The following SEPTIN8 variants were observed in gnomAD, a reference collection of about 807,000 sequenced individuals.
The protein encoded by SEPTIN8 is septin-8.
A neutral mutation model predicts 53.1 loss-of-function variants in SEPTIN8; 22 were observed. The ratio of observed to expected loss-of-function variants is 0.41; its 90% CI spans 0.30 to 0.59. The LOEUF (loss-of-function observed/expected upper bound fraction) is 0.59. Ranked by LOEUF, SEPTIN8 falls within the 20% of genes least tolerant of loss-of-function variation. SEPTIN8 has a pLI of 0.24. For missense variants in SEPTIN8, 536 were observed against 638.7 expected, an observed-to-expected ratio of 0.84 and a Z score of 1.73; for synonymous variants, 228 against 248.4, an observed-to-expected ratio of 0.92 and a Z score of 0.77.
intron 5 of SEPTIN8, among the ~76,000 whole-genome samples, 162 bp downstream of exon 5, chr5:132,762,322 C>T (rs1756065856): frequency 1.3e-5 from 2 of 152,244 alleles, no homozygotes; most frequent in Non-Finnish European, 2.9e-5. Flanking sequence ...CTGTCCCCTG[C>T]CCACAGATGT....
chr5:132,770,041 ATG>A lies in SEPTIN8; in HGVS notation c.31-4514_31-4513del, dbSNP rs1180280053. Among the ~76,000 whole-genome samples the A allele has an allele frequency of 2.8e-3, 234 of 82,846 alleles. 4 individuals carry two copies. The highest frequency in any genetic ancestry group is 0.027 in the South Asian group (70 of 2,634). The allele number at this position is 82,846 out of a possible 152,430, so 54.4% of individuals were successfully genotyped here. A position where few individuals can be genotyped will look rare whatever the true frequency, so the allele number is the denominator to read the frequency against. ...TATATATACACACACATATATATAT[ATG>A]TGTGTGTGTGTGTGTGTGTGTATAT... is the stretch of plus-strand genomic sequence containing the variant. On this transcript the variant is annotated intron_variant, in intron 1 of 9. Transcript: ENST00000378719.
At chr5:132,758,389 T>C in intron 9 of SEPTIN8, 1 of 1,453,582 alleles carries the variant, frequency 6.9e-7, no homozygotes, top group East Asian at 2.5e-5. Flanking sequence ...GGGTGAATTT[T>C]GCAGCATGTA....
chr5:132,763,921 T>C, intron 3 of SEPTIN8, 29 bp from the exon 4 acceptor site: 1 of 1,529,734 alleles, frequency 6.5e-7, no homozygotes, highest in Non-Finnish European at 8.8e-7. Context: ...CCCAGGAGGC[T>C]GCCAGCTGAG....
rs1196597398 is a variant in SEPTIN8, at chr5:132,752,024, A to G, written c.1444T>C (p.Phe482Leu). 8 of 1,612,220 alleles carry G rather than the reference A, an allele frequency of 5.0e-6. No individual in the cohort carries two copies. The highest frequency in any genetic ancestry group is 6.8e-6 in the Non-Finnish European group (8 of 1,179,396). Residue 482 changes from phenylalanine (F) to leucine (L), a missense_variant, in exon 10 of 10, where the codon TTC (phenylalanine) becomes CTC (leucine). Coordinates refer to ENST00000378719, the MANE Select transcript of SEPTIN8 (RefSeq NM_001098811.2). The stretch of plus-strand genomic sequence containing the variant: ...GTGTTGGAGCTGCTGCCTCAGAGGA[A>G]TCCTTCCCTCCACGTCGCATCCCTG... ...LVRDATWREG[F>L]L
At position 132,761,416 on chromosome 5, in the gene SEPTIN8, C is replaced by T. The variant is rs1755935249; in HGVS notation, c.962+42G>A. 1.3e-6 allele frequency: 2 copies of T among 1,592,082 alleles called. No homozygotes were observed. Among genetic ancestry groups the T allele is most frequent in the Admixed American group, 1.7e-5 (1 of 59,264 alleles). Reference sequence around the variant, plus strand: ...ACAGATGCCAGGGTGGTGTGTCTGGCCACAGCTGTGAAGACAGGCTCACTC... The same window carrying T: ...ACAGATGCCAGGGTGGTGTGTCTGGTCACAGCTGTGAAGACAGGCTCACTC... On this transcript the variant is annotated intron_variant, in intron 7 of 9. Coordinates refer to ENST00000378719, the MANE Select transcript of SEPTIN8 (RefSeq NM_001098811.2). This position sits in a 1 kb window ranked among gnomAD's most constrained non-coding sequence, Gnocchi z 5.8.
At chr5:132,758,335 T>C (rs980406122) in intron 9 of SEPTIN8, 10 of 1,391,678 alleles carry the variant, frequency 7.2e-6, no homozygotes, top group African/African-American at 4.3e-5. Flanking sequence ...TTTAAAGTTA[T>C]TAAAATTAAG....
chr5:132,753,018 C>G (rs369590698), intron 9 of SEPTIN8: 2 of 1,396,770 alleles, frequency 1.4e-6, no homozygotes, highest in Admixed American at 3.4e-5. Flanking sequence ...GTGAAACCTC[C>G]TTGCTTGGAC....
chr5:132,762,226 C>A (rs143478652), intron 5 of SEPTIN8, among the ~76,000 whole-genome samples: 1 of 152,222 alleles, frequency 6.6e-6, no homozygotes, highest in Admixed American at 6.5e-5. Flanking sequence ...TGCTCAACTG[C>A]TTCCATTTCC....
At position 132,761,428 on chromosome 5, in the gene SEPTIN8, A is replaced by C. The variant is rs1177750983; in HGVS notation, c.962+30T>G. 10 of 1,598,146 alleles carry C rather than the reference A, an allele frequency of 6.3e-6. No homozygotes were observed. Among genetic ancestry groups the C allele is most frequent in the Non-Finnish European group, 8.5e-6 (10 of 1,173,298 alleles). ...GTGGTGTGTCTGGCCACAGCTGTGA[A>C]GACAGGCTCACTCTGGCTCAGGCTG... On this transcript the variant is annotated intron_variant, in intron 7 of 9. Transcript: ENST00000378719. The surrounding 1 kb of genome is among the most constrained non-coding windows in gnomAD (Gnocchi z 5.8).
Position 132,760,403 on chromosome 5 carries a change from C to T in SEPTIN8, c.1286+399G>A, listed in dbSNP as rs529889356. On this transcript the variant is annotated intron_variant, in intron 9 of 9. Coordinates refer to ENST00000378719, the MANE Select transcript of SEPTIN8 (RefSeq NM_001098811.2). This position sits in a 1 kb window ranked among gnomAD's most constrained non-coding sequence, Gnocchi z 5.2. ...CGCCCTCTCCACGCTGCTCCTCACC[C>T]GTGCAGCCCCACCTTCACCACGCTG... Among the ~76,000 whole-genome samples, 22 of 152,264 alleles carry T rather than the reference C, an allele frequency of 1.4e-4. No individual in the cohort carries two copies. Among genetic ancestry groups the T allele is most frequent in the Admixed American group, 5.2e-4 (8 of 15,298 alleles).
rs958265361 is a variant in SEPTIN8, at chr5:132,771,257, T to C, written c.31-5728A>G. Among the ~76,000 whole-genome samples the C allele has an allele frequency of 2.6e-5, 4 of 152,270 alleles. No homozygotes were observed. In the South Asian group the frequency reaches 8.3e-4, roughly 32 times the overall value. On this transcript the variant is annotated intron_variant, in intron 1 of 9. Coordinates refer to ENST00000378719, the MANE Select transcript of SEPTIN8 (RefSeq NM_001098811.2). ...AAACAGGTTTTTATCCAGAAGGAAC[T>C]GGAAATCTACTGAATCTCTAAACCA...
chr5:132,751,856 G>A lies in SEPTIN8; in HGVS notation c.*160C>T. The A allele has an allele frequency of 7.7e-7, 1 of 1,301,886 alleles. No homozygotes were observed. The highest frequency in any genetic ancestry group is 1.1e-6 in the Non-Finnish European group (1 of 947,190). 80.6% of individuals were successfully genotyped at this position (1,301,886 alleles called of 1,614,324 possible). On this transcript the variant is annotated 3_prime_UTR_variant, in exon 10 of 10. Transcript: ENST00000378719. ...CCATGGATAGGAATGAAAAGGGTTGGGCAACATTTGATGTTCCCTGATGGA... is the reference window on the plus strand; with the variant it reads ...CCATGGATAGGAATGAAAAGGGTTGAGCAACATTTGATGTTCCCTGATGGA...
chr5:132,760,945 C>A lies in SEPTIN8; in HGVS notation c.1143G>T (p.Lys381Asn). The A allele has an allele frequency of 3.8e-6, 6 of 1,597,828 alleles. No homozygotes were observed. In the South Asian group the frequency reaches 6.8e-5, roughly 18 times the overall value. ...CCCGGCGCTTTTCCTCCACCTTGCG[C>A]TTCTCCTCCTGGTGGACCCGCTTCA... is the stretch of plus-strand genomic sequence containing the variant. Reference protein sequence around the residue: ...EHLKRVHQEEKRKVEEKRREL... With the variant: ...EHLKRVHQEENRKVEEKRREL... The change falls in exon 9 of 10, where the codon AAG (lysine) becomes AAT (asparagine). Residue 381 changes from lysine (K) to asparagine (N), a missense_variant. Lys to Asn is a moderately conservative substitution (Grantham distance 94). This residue lies in a region of SEPTIN8 where 133 missense variants were observed against 157.4 expected (regional missense o/e 0.84). Transcript: ENST00000378719. This position sits in a 1 kb window ranked among gnomAD's most constrained non-coding sequence, Gnocchi z 5.2.
At chr5:132,764,027 C>T (rs983234079) in intron 3 of SEPTIN8, 135 bp from the exon 4 acceptor site, 17 of 1,029,414 alleles carry the variant, frequency 1.7e-5, no homozygotes, top group Non-Finnish European at 1.4e-6. Context: ...CCTGAGATCC[C>T]TGACTGGATA....
intron 1 of SEPTIN8, among the ~76,000 whole-genome samples, chr5:132,768,485 T>C (rs527411501): frequency 2.0e-5 from 3 of 152,310 alleles, no homozygotes; most frequent in Non-Finnish European, 2.9e-5. Flanking sequence ...CTAAGTTGCA[T>C]TGCTCACTCC....
intron 1 of SEPTIN8, among the ~76,000 whole-genome samples, chr5:132,770,612 G>A (rs1043348314): frequency 6.6e-6 from 1 of 152,240 alleles, no homozygotes; most frequent in African/African-American, 2.4e-5. Flanking sequence ...TGGTCTGTAA[G>A]CTGGCTCTGG....
At chr5:132,777,911 G>A (rs1482580711), upstream of SEPTIN8, 2 of 985,384 alleles carry the variant, frequency 2.0e-6, no homozygotes, top group Non-Finnish European at 2.4e-6. This position sits in a 1 kb window ranked among gnomAD's most constrained non-coding sequence, Gnocchi z 4.1. Context: ...TAGAAAAGCG[G>A]AGCTCGACGG....
At position 132,767,958 on chromosome 5, in the gene SEPTIN8, C is replaced by CACACACACAA. The variant is rs1254282099; in HGVS notation, c.31-2430_31-2429insTTGTGTGTGT. ...TGTCTGGAAACCACACACACACACA[C>CACACACACAA]ACACACACACACACACACACACACA... On this transcript the variant is annotated intron_variant, in intron 1 of 9. Transcript: ENST00000378719. Among the ~76,000 whole-genome samples, 51 of 150,536 alleles carry CACACACACAA rather than the reference C, an allele frequency of 3.4e-4. 1 individual carries two copies. Among genetic ancestry groups the CACACACACAA allele is most frequent in the African/African-American group, 1.1e-3 (47 of 40,918 alleles).
intron 1 of SEPTIN8, among the ~76,000 whole-genome samples, chr5:132,767,283 G>A (rs1756697092): frequency 6.6e-6 from 1 of 152,080 alleles, no homozygotes; most frequent in African/African-American, 2.4e-5. Context: ...GCTGGGTCAG[G>A]TCCAAAGCCC....
Sources: gnomAD v4.1 joint callset for allele counts (sites outside exome capture counted in the v4.1 genomes callset) on GRCh38, gnomAD v4.1.1 for gene constraint, gnomAD v4.1.1 regional missense constraint, Gnocchi (gnomAD v3.1) non-coding constraint, MANE v1.5 for transcripts, NCBI Gene and HGNC (gene_info 2026-07-23, HGNC 2026-07-21) for gene names.